The following VCAM1 variants were observed in gnomAD, a reference collection of about 807,000 sequenced individuals.
VCAM1 encodes vascular cell adhesion protein 1.
In VCAM1, 41 loss-of-function variants were observed where a neutral mutation model predicts 63.8. That is an observed-to-expected ratio of 0.64 (90% confidence interval 0.50 to 0.83). The LOEUF is 0.83. Among genes scored for constraint, VCAM1 ranks in the 40% least tolerant of loss-of-function variants. The pLI, the probability that VCAM1 is intolerant of heterozygous loss-of-function variation, is 0.00. For missense variants in VCAM1, 798 were observed against 875.5 expected (o/e 0.91, Z 1.12); for synonymous variants, 338 against 320.7 (o/e 1.05, Z -0.58).
In VCAM1 at chr1:100,732,483, A is replaced by AAT; in HGVS notation, c.1594_1595dup (p.Met532IlefsTer2). On this transcript the variant is annotated frameshift_variant, in exon 7 of 9. Transcript: ENST00000294728. LOFTEE classifies it high-confidence loss of function. ...CATCCTGGAGGAAGGCAGTTCTGTG[A>AAT]ATATGACATGCTTGAGCCAGGGCTT... 6.2e-7 allele frequency: 1 copy of AAT among 1,612,744 alleles called. No homozygotes were observed. The highest frequency in any genetic ancestry group is 8.5e-7 in the Non-Finnish European group (1 of 1,179,478).
intron 1 of VCAM1, 73 bp downstream of exon 1, chr1:100,719,997 T>C: frequency 6.5e-7 from 1 of 1,530,596 alleles, no homozygotes; most frequent in Non-Finnish European, 9.0e-7. Flanking sequence ...TCAGTCAGTT[T>C]TGCGATAGTA....
In VCAM1 at chr1:100,724,733, C is replaced by A. The variant is rs770478132; in HGVS notation, c.771C>A (p.Phe257Leu). Residue 257 changes from phenylalanine to leucine, a missense_variant, in exon 4 of 9, where the codon TTC (phenylalanine) becomes TTA (leucine). Coordinates refer to ENST00000294728, the MANE Select transcript of VCAM1 (RefSeq NM_001078.4). ...SSEGLPAPEI[F>L]WSKKLDNGNL... is the part of the protein sequence containing the mutation. ...AGGGTCTACCAGCTCCAGAGATTTT[C>A]TGGAGTAAGAAATTAGATAATGGGA... 28 of 1,612,922 alleles carry A rather than the reference C, an allele frequency of 1.7e-5. No individual in the cohort carries two copies. The Admixed American group carries it at 4.7e-4, about 27-fold the overall frequency.
chr1:100,732,066 G>T (rs959355362), intron 6 of VCAM1, among the ~76,000 whole-genome samples: 1 of 152,182 alleles, frequency 6.6e-6, no homozygotes, highest in Non-Finnish European at 1.5e-5. Context: ...GATTCAAGGG[G>T]TGGAAAAATA....
Position 100,731,535 on chromosome 1 carries a change from G to A in VCAM1, c.1525+17G>A. 1 of 1,600,288 alleles carries A rather than the reference G, an allele frequency of 6.2e-7. No individual in the cohort carries two copies. The highest frequency in any genetic ancestry group is 8.5e-7 in the Non-Finnish European group (1 of 1,172,442). On this transcript the variant is annotated intron_variant, in intron 6 of 8. Transcript: ENST00000294728. This position sits in a 1 kb window ranked among gnomAD's most constrained non-coding sequence, Gnocchi z 4.2. Reference sequence around the variant, plus strand: ...ATGTCAATGGTAAGTACATATGTGAGGTATCTACAGTTTAATACCTGTCTC... The same window carrying A: ...ATGTCAATGGTAAGTACATATGTGAAGTATCTACAGTTTAATACCTGTCTC...
chr1:100,722,897 T>A, intron 2 of VCAM1, 123 bp from the exon 3 acceptor site: 1 of 1,105,440 alleles, frequency 9.0e-7, no homozygotes, highest in Non-Finnish European at 1.2e-6. Context: ...ATTCAAACAG[T>A]TCTGTCGTAT....
Position 100,723,267 on chromosome 1 carries a change from A to G in VCAM1, c.588A>G (p.Arg196=). Residue 196 remains arginine (R), a synonymous_variant, in exon 3 of 9, where the codon CGA becomes CGG. Coordinates refer to ENST00000294728, the MANE Select transcript of VCAM1 (RefSeq NM_001078.4). ...IEDIGKVLVC[R]AKLHIDEMDS... is the part of the protein sequence containing the mutation. ...ATATTGGAAAAGTTCTTGTTTGCCG[A>G]GCTAAATTACACATTGATGAAATGG... 6.2e-7 allele frequency: 1 copy of G among 1,613,114 alleles called. No individual in the cohort carries two copies. Among genetic ancestry groups the G allele is most frequent in the East Asian group, 2.2e-5 (1 of 44,850 alleles).
intron 7 of VCAM1, among the ~76,000 whole-genome samples, chr1:100,732,999 TG>T (rs1208367414): frequency 6.6e-6 from 1 of 152,204 alleles, no homozygotes; most frequent in Non-Finnish European, 1.5e-5. Context: ...GAGGAATATC[TG>T]CATTTGGGAT....
intron 7 of VCAM1, among the ~76,000 whole-genome samples, chr1:100,733,020 T>A (rs1660518349): frequency 1.3e-5 from 2 of 152,208 alleles, no homozygotes; most frequent in South Asian, 4.1e-4. Context: ...TTATGTAGGA[T>A]TAAAGCTACC....
chr1:100,729,874 C>T lies in VCAM1; in HGVS notation c.1204+492C>T, dbSNP rs3917051. 7.8e-3 allele frequency among the ~76,000 whole-genome samples: 1,190 copies of T among 152,196 alleles called. 18 individuals are homozygous for T. The highest frequency in any genetic ancestry group is 0.028 in the African/African-American group (1,143 of 41,542). ...AAGTTAGATTGGGGATGGGGATGGTCAGTGTCAGTGGCTCAGGTGAAAAGC... is the reference window on the plus strand; with the variant it reads ...AAGTTAGATTGGGGATGGGGATGGTTAGTGTCAGTGGCTCAGGTGAAAAGC... On this transcript the variant is annotated intron_variant, in intron 5 of 8. Coordinates refer to ENST00000294728, the MANE Select transcript of VCAM1 (RefSeq NM_001078.4).
chr1:100,731,668 A>G lies in VCAM1; in HGVS notation c.1525+150A>G, dbSNP rs531832331. The G allele has an allele frequency of 6.3e-6, 5 of 797,764 alleles. No individual in the cohort carries two copies. In the South Asian group the frequency reaches 7.7e-5, roughly 12 times the overall value. 49.4% of individuals were successfully genotyped at this position (797,764 alleles called of 1,614,324 possible). The stretch of plus-strand genomic sequence containing the variant: ...TTCAAAATAATGATGATTGTAACAA[A>G]TCACCCTCCCTAAACTTAAAATAGT... On this transcript the variant is annotated intron_variant, in intron 6 of 8. Transcript: ENST00000294728. The surrounding 1 kb of genome is among the most constrained non-coding windows in gnomAD (Gnocchi z 4.2).
At position 100,724,855 on chromosome 1, in the gene VCAM1, G is replaced by A. The variant is rs769573494; in HGVS notation, c.893G>A (p.Gly298Glu). 6.2e-7 allele frequency: 1 copy of A among 1,612,610 alleles called. No homozygotes were observed. The highest frequency in any genetic ancestry group is 1.1e-5 in the South Asian group (1 of 91,006). The part of the protein sequence containing the change: ...IYVCEGVNLI[G>E]KNRKEVELIV... ...GTGTGTGAAGGAGTTAATTTGATTG[G>A]GAAAAACAGAAAAGAGGTGGAATTA... The change falls in exon 4 of 9, where the codon GGG becomes GAG. Residue 298 changes from glycine to glutamate, a missense_variant. Gly to Glu is a moderately conservative substitution (Grantham distance 98). Coordinates refer to ENST00000294728, the MANE Select transcript of VCAM1 (RefSeq NM_001078.4).
At chr1:100,726,281 A>G (rs1660158562) in intron 4 of VCAM1, among the ~76,000 whole-genome samples, 1 of 152,024 alleles carries the variant, frequency 6.6e-6, no homozygotes, top group Non-Finnish European at 1.5e-5. Flanking sequence ...TTTATGGCTA[A>G]TTATCTTTAA....
rs1398092389 is a variant in VCAM1, at chr1:100,729,330, A to G, written c.1152A>G (p.Thr384=). Reference sequence around the variant, plus strand: ...AGAACGAACACTCTTATCTGTGCACAGTGACTTGTGGACATAAGAAACTGG... The same window carrying G: ...AGAACGAACACTCTTATCTGTGCACGGTGACTTGTGGACATAAGAAACTGG... ...SFENEHSYLC[T]VTCGHKKLEK... is the part of the protein sequence containing the mutation. The change falls in exon 5 of 9, where the codon ACA becomes ACG. Residue 384 remains threonine, a synonymous_variant. Coordinates refer to ENST00000294728, the MANE Select transcript of VCAM1 (RefSeq NM_001078.4). 1.2e-5 allele frequency: 19 copies of G among 1,612,808 alleles called. No homozygotes were observed. Among genetic ancestry groups the G allele is most frequent in the Non-Finnish European group, 1.6e-5 (19 of 1,179,380 alleles).
In VCAM1 at chr1:100,738,232, C is replaced by A. The variant is rs1660729326; in HGVS notation, c.2169C>A (p.Ala723=). The A allele has an allele frequency of 6.2e-7, 1 of 1,613,578 alleles. No individual in the cohort carries two copies. Among genetic ancestry groups the A allele is most frequent in the African/African-American group, 1.3e-5 (1 of 74,880 alleles). The part of the protein sequence containing the change: ...IGMIIYFARK[A]NMKGSYSLVE... ...TGATAATTTACTTTGCAAGAAAAGC[C>A]AACATGAAGGGGTCATATAGTCTTG... is the stretch of plus-strand genomic sequence containing the variant. Residue 723 remains alanine (A), a synonymous_variant, in exon 9 of 9, where the codon GCC becomes GCA. Coordinates refer to ENST00000294728, the MANE Select transcript of VCAM1 (RefSeq NM_001078.4).
intron 3 of VCAM1, among the ~76,000 whole-genome samples, chr1:100,723,910 C>T (rs1660061573): frequency 6.6e-6 from 1 of 151,956 alleles, no homozygotes. Context: ...AGTGGCCTCA[C>T]TGTGCTCTGT....
rs758175606 is a variant in VCAM1, at chr1:100,734,644, A to G, written c.1935A>G (p.Val645=). The change falls in exon 8 of 9, where the codon GTA becomes GTG. Residue 645 remains valine, a synonymous_variant. Coordinates refer to ENST00000294728, the MANE Select transcript of VCAM1 (RefSeq NM_001078.4). ...AAAAAGCGGAGACAGGAGACACAGT[A>G]CTAAAATCTATAGATGGCGCCTATA... is the stretch of plus-strand genomic sequence containing the variant. ...LKKKAETGDT[V]LKSIDGAYTI... 6.2e-7 allele frequency: 1 copy of G among 1,614,034 alleles called. No homozygotes were observed. The highest frequency in any genetic ancestry group is 8.5e-7 in the Non-Finnish European group (1 of 1,179,934).
rs1660590167 is a variant in VCAM1, at chr1:100,734,774, T to C, written c.2059+6T>C. On this transcript the variant is annotated splice_donor_region_variant and intron_variant, in intron 8 of 8. Coordinates refer to ENST00000294728, the MANE Select transcript of VCAM1 (RefSeq NM_001078.4). ...TTTAACACTTGATGTTCAAGGTGAG[T>C]TTGTTTTGAGTTTTTGTTTTCTTGG... 6.2e-7 allele frequency: 1 copy of C among 1,611,528 alleles called. No homozygotes were observed. Among genetic ancestry groups the C allele is most frequent in the South Asian group, 1.1e-5 (1 of 90,798 alleles).
In VCAM1 at chr1:100,731,511, T is replaced by C. The variant is rs1571460075; in HGVS notation, c.1518T>C (p.Tyr506=). The C allele has an allele frequency of 1.2e-6, 2 of 1,612,526 alleles. No individual in the cohort carries two copies. Among genetic ancestry groups the C allele is most frequent in the Non-Finnish European group, 1.7e-6 (2 of 1,179,324 alleles). Residue 506 remains tyrosine (Y), a synonymous_variant, in exon 6 of 9, where the codon TAT becomes TAC. Coordinates refer to ENST00000294728, the MANE Select transcript of VCAM1 (RefSeq NM_001078.4). This position sits in a 1 kb window ranked among gnomAD's most constrained non-coding sequence, Gnocchi z 4.2. ...AAAGGCAGAGTACGCAAACACTTTA[T>C]GTCAATGGTAAGTACATATGTGAGG... is the stretch of plus-strand genomic sequence containing the variant. ...PKQRQSTQTL[Y]VNVAPRDTTV... is the part of the protein sequence containing the mutation.
chr1:100,730,170 C>G (rs910826386), intron 5 of VCAM1, among the ~76,000 whole-genome samples: 5 of 151,892 alleles, frequency 3.3e-5, no homozygotes, highest in African/African-American at 1.2e-4. Flanking sequence ...TACCAGAAAC[C>G]CTGCCCAAAC....
Sources: allele counts gnomAD v4.1 joint callset (sites outside exome capture counted in the v4.1 genomes callset), GRCh38; gene constraint gnomAD v4.1.1; non-coding constraint Gnocchi (gnomAD v3.1); transcripts MANE v1.5; gene names NCBI Gene and HGNC (gene_info 2026-07-23, HGNC 2026-07-21).